Variants in LRRD1 observed in about 807,000 individuals in gnomAD.
LRRD1 encodes leucine-rich repeat and death domain-containing protein 1.
LRRD1 carries 49 observed loss-of-function variants against 69.5 expected under a neutral mutation model. The observed-to-expected ratio is 0.70, with a 90% CI of 0.56 to 0.89. The LOEUF is 0.89. Among genes scored for constraint, LRRD1 ranks in the 40% least tolerant of loss-of-function variants. The pLI is 0.00. For synonymous variants in LRRD1, 303 were observed against 338.9 expected, an observed-to-expected ratio of 0.89 and a Z score of 1.16; for missense variants, 853 against 956.0, an observed-to-expected ratio of 0.89 and a Z score of 1.42.
chr7:92,174,499 A>ATATATG (rs1554483864), intron 1 of LRRD1, among the ~76,000 whole-genome samples: 1 of 18,758 alleles, frequency 5.3e-5, no homozygotes, highest in African/African-American at 2.3e-4. Flanking sequence ...ATATATATAT[A>ATATATG]TATATATATA....
At chr7:92,161,751 T>C (rs969257113) in intron 2 of LRRD1, among the ~76,000 whole-genome samples, 1 of 152,042 alleles carries the variant, frequency 6.6e-6, no homozygotes, top group African/African-American at 2.4e-5. Context: ...CAAACAGAAA[T>C]GGAGAAGTTT....
intron 3 of LRRD1, among the ~76,000 whole-genome samples, chr7:92,156,968 T>G (rs145899204): frequency 2.8e-4 from 43 of 152,244 alleles, no homozygotes; most frequent in Non-Finnish European, 3.7e-4. Flanking sequence ...TGAGAGTTTT[T>G]TTGTTGTTGT....
intron 2 of LRRD1, among the ~76,000 whole-genome samples, chr7:92,159,601 A>G (rs987899576): frequency 8.9e-6 from 1 of 112,036 alleles, no homozygotes; most frequent in Non-Finnish European, 1.7e-5. Flanking sequence ...TCTCCTTATT[A>G]CTAGTCCTAT....
rs1788880584 is a variant in LRRD1 at position 92,165,145 on chromosome 7, T to C, written c.58A>G (p.Lys20Glu). 1 of 1,549,502 alleles carries C rather than the reference T, an allele frequency of 6.5e-7. No homozygotes were observed. Among genetic ancestry groups the C allele is most frequent in the Non-Finnish European group, 8.7e-7 (1 of 1,146,402 alleles). ...TTCATTGACTGTGATCTAGATTCTT[T>C]CCTAAATTGACTAATAGTATCCTCT... ...VLEDTISQFR[K>E]ESRSQSMKEP... is the part of the protein sequence containing the mutation. The change falls in exon 2 of 6, where the codon AAA becomes GAA. Residue 20 changes from lysine (K) to glutamate (E), a missense_variant. Transcript: ENST00000458448.
chr7:92,165,232 C>G lies in LRRD1; in HGVS notation c.-30G>C, dbSNP rs767269532. 5 of 1,240,268 alleles carry G rather than the reference C, an allele frequency of 4.0e-6. No individual in the cohort carries two copies. The highest frequency in any genetic ancestry group is 5.3e-6 in the Non-Finnish European group (5 of 946,902). The allele number at this position is 1,240,268 out of a possible 1,614,324, so 76.8% of individuals were successfully genotyped here. A position where few individuals can be genotyped will look rare whatever the true frequency, so the allele number is the denominator to read the frequency against. On this transcript the variant is annotated 5_prime_UTR_variant, in exon 2 of 6. Coordinates refer to ENST00000458448, the MANE Select transcript of LRRD1 (RefSeq NM_001161528.2). ...TTTGCTGATATGTTTTATGCCAATA[C>G]AAAATTGTAACTTGATTTTAATTTT... is the stretch of plus-strand genomic sequence containing the variant.
chr7:92,161,865 A>AT (rs1396149431), intron 2 of LRRD1, among the ~76,000 whole-genome samples: 5 of 152,214 alleles, frequency 3.3e-5, no homozygotes, highest in Admixed American at 3.3e-4. Context: ...AATGAGAACT[A>AT]TGGGACTACA....
At chr7:92,172,947 C>A (rs1259669596) in intron 1 of LRRD1, among the ~76,000 whole-genome samples, 1 of 152,020 alleles carries the variant, frequency 6.6e-6, no homozygotes, top group Admixed American at 6.6e-5. Context: ...CCAAATTATA[C>A]CCCAAAGTTA....
chr7:92,147,268 A>G (rs1023238094), intron 4 of LRRD1, among the ~76,000 whole-genome samples: 1 of 152,026 alleles, frequency 6.6e-6, no homozygotes, highest in African/African-American at 2.4e-5. Context: ...GGGTTTCTCC[A>G]TGTTGGTCAG....
Position 92,159,118 on chromosome 7 carries a change from C to T in LRRD1, c.2003G>A (p.Arg668Lys). The T allele has an allele frequency of 6.5e-7, 1 of 1,547,820 alleles. No homozygotes were observed. Among genetic ancestry groups the T allele is most frequent in the Non-Finnish European group, 8.7e-7 (1 of 1,145,306 alleles). ...CAAATTTCTCAATTCTCCTATATTT[C>T]TTGGAATCTCTCTGATTGCATTATT... ...ISNNAIREIP[R>K]NIGELRNLVS... The change falls in exon 3 of 6, where the codon AGA becomes AAA. Residue 668 changes from arginine to lysine, a missense_variant. Around this residue, in one of 3 missense-constraint regions of LRRD1, gnomAD observed 739 missense variants for 808.0 expected, o/e 0.91. Coordinates refer to ENST00000458448, the MANE Select transcript of LRRD1 (RefSeq NM_001161528.2).
chr7:92,143,214 C>G (rs1820212528), downstream of LRRD1, among the ~76,000 whole-genome samples: 2 of 152,162 alleles, frequency 1.3e-5, no homozygotes, highest in Non-Finnish European at 2.9e-5. Context: ...GAGCTAGATA[C>G]AGAGTGCCGA....
At chr7:92,142,639 GT>G (rs1424301149), downstream of LRRD1, 3 of 417,194 alleles carry the variant, frequency 7.2e-6, no homozygotes, top group Non-Finnish European at 1.4e-5. Flanking sequence ...CGCCTCTGGA[GT>G]TTGTTCCTTC....
At chr7:92,158,971 T>C (rs1013511255) in intron 3 of LRRD1, 34 bp downstream of exon 3, 8 of 1,493,782 alleles carry the variant, frequency 5.4e-6, no homozygotes, top group East Asian at 2.5e-5. Flanking sequence ...ACTCTACTTA[T>C]TGATTATGCT....
intron 1 of LRRD1, among the ~76,000 whole-genome samples, chr7:92,170,130 GAGGAAGGAAGGACGGA>G (rs1211337228): frequency 6.7e-6 from 1 of 149,622 alleles, no homozygotes; most frequent in African/African-American, 2.5e-5. Context: ...GGAAGGAAGG[GAGGAAGGAAGGACGGA>G]AGGAAGGAAG....
At chr7:92,160,348 T>C (rs147636711) in intron 2 of LRRD1, among the ~76,000 whole-genome samples, 1 of 152,222 alleles carries the variant, frequency 6.6e-6, no homozygotes, top group East Asian at 1.9e-4. Context: ...AAATTTTATT[T>C]TAGGGAACAG....
intron 3 of LRRD1, among the ~76,000 whole-genome samples, chr7:92,152,674 CTTTT>C (rs375384141): frequency 7.1e-6 from 1 of 139,890 alleles, no homozygotes; most frequent in Non-Finnish European, 1.6e-5. Context: ...TTTAACTATT[CTTTT>C]TTTTTTTTTT....
intron 1 of LRRD1, among the ~76,000 whole-genome samples, chr7:92,172,115 AC>A (rs1366217238): frequency 2.0e-5 from 3 of 152,066 alleles, no homozygotes; most frequent in Non-Finnish European, 4.4e-5. Context: ...AGTGAGACCA[AC>A]CCTGTATCAA....
At chr7:92,158,903 A>C in intron 3 of LRRD1, 102 bp downstream of exon 3, 1 of 873,768 alleles carries the variant, frequency 1.1e-6, no homozygotes, top group Non-Finnish European at 1.7e-6. Flanking sequence ...TTAATACCTT[A>C]TGTTGACTCT....
chr7:92,146,488 G>A (rs1820326373), intron 4 of LRRD1, among the ~76,000 whole-genome samples: 1 of 151,828 alleles, frequency 6.6e-6, no homozygotes, highest in South Asian at 2.1e-4. Flanking sequence ...ATGGTTGTGT[G>A]TTCCTGTAGT....
Position 92,148,875 on chromosome 7 carries a change from G to A in LRRD1, c.2278+1659C>T, listed in dbSNP as rs1820397715. On this transcript the variant is annotated intron_variant, in intron 4 of 5. Transcript: ENST00000458448. ...CGATTCTCCTGCTTCAGCCTCCTGA[G>A]TAACTGGGATTACAGGTGCCCACCA... Among the ~76,000 whole-genome samples, 3 of 152,114 alleles carry A rather than the reference G, an allele frequency of 2.0e-5. No homozygotes were observed. In the South Asian group the frequency reaches 6.2e-4, roughly 31 times the overall value.
Sources: allele counts gnomAD v4.1 joint callset (sites outside exome capture counted in the v4.1 genomes callset), GRCh38; gene constraint gnomAD v4.1.1; regional missense constraint gnomAD v4.1.1; transcripts MANE v1.5; gene names NCBI Gene and HGNC (gene_info 2026-07-23, HGNC 2026-07-21).